Variants in PRKG1 observed in about 807,000 individuals in gnomAD.
The protein encoded by PRKG1 is cGMP-dependent protein kinase 1.
Under a neutral mutation model 88.1 loss-of-function variants are expected in PRKG1, and 35 were observed. That is an observed-to-expected ratio of 0.40 (90% CI 0.30 to 0.53). The LOEUF (loss-of-function observed/expected upper bound fraction) is 0.53, where lower values mean the gene tolerates loss of function less well. Among genes scored for constraint, PRKG1 ranks in the 20% least tolerant of loss-of-function variants. The pLI is 0.59. For synonymous variants in PRKG1, 303 were observed against 292.5 expected, an observed-to-expected ratio of 1.04 and a Z score of -0.37; for missense variants, 540 against 839.8, an observed-to-expected ratio of 0.64 and a Z score of 4.41.
intron 4 of PRKG1, among the ~76,000 whole-genome samples, chr10:51,828,494 A>G (rs1839930677): frequency 6.6e-6 from 1 of 152,152 alleles, no homozygotes; most frequent in African/African-American, 2.4e-5. Flanking sequence ...AAGGGCTTTT[A>G]CATTAGAGAA....
chr10:51,918,206 T>C (rs1842385830), intron 5 of PRKG1, among the ~76,000 whole-genome samples: 1 of 152,202 alleles, frequency 6.6e-6, no homozygotes, highest in African/African-American at 2.4e-5. Context: ...CTGGAATCAG[T>C]ACCTTTCAGT....
rs1180059313 is a variant in PRKG1 at position 51,557,916 on chromosome 10, A to G, written c.592+90080A>G. ...ACACTGCCTCAGAGACTTATCTTCA[A>G]TTTAAAAGTAAAAATCAATAGAAAT... On this transcript the variant is annotated intron_variant, in intron 3 of 17. Coordinates refer to ENST00000373980, the MANE Select transcript of PRKG1 (RefSeq NM_006258.4). 2.0e-5 allele frequency among the ~76,000 whole-genome samples: 3 copies of G among 151,102 alleles called. No individual in the cohort carries two copies. In the East Asian group the frequency reaches 5.8e-4, roughly 29 times the overall value.
intron 3 of PRKG1, among the ~76,000 whole-genome samples, chr10:51,596,406 C>T (rs1440896125): frequency 6.6e-6 from 1 of 152,100 alleles, no homozygotes; most frequent in African/African-American, 2.4e-5. Flanking sequence ...TCCATTGAAA[C>T]CCATTTTCCA....
intron 2 of PRKG1, among the ~76,000 whole-genome samples, chr10:51,346,140 C>G (rs567322106): frequency 3.4e-4 from 52 of 152,188 alleles, no homozygotes; most frequent in Non-Finnish European, 5.6e-4. Context: ...AAATTAAACC[C>G]AACAGAGGGA....
intron 7 of PRKG1, among the ~76,000 whole-genome samples, chr10:52,093,498 C>A (rs1267266270): frequency 2.0e-5 from 3 of 148,402 alleles, no homozygotes; most frequent in Non-Finnish European, 4.5e-5. Flanking sequence ...ACCATGAAAG[C>A]AAGCCTCAAA....
chr10:51,218,655 T>C (rs974164112), intron 2 of PRKG1, among the ~76,000 whole-genome samples: 3 of 151,234 alleles, frequency 2.0e-5, no homozygotes, highest in Non-Finnish European at 2.9e-5. Flanking sequence ...CACCAATGCA[T>C]AGAAATATTA....
intron 5 of PRKG1, among the ~76,000 whole-genome samples, chr10:52,051,229 G>T (rs1845981562): frequency 6.6e-6 from 1 of 152,116 alleles, no homozygotes; most frequent in South Asian, 2.1e-4. Context: ...AGCTCACATA[G>T]GTTAAGAGTT....
chr10:51,875,866 A>G (rs1841285470), intron 4 of PRKG1, among the ~76,000 whole-genome samples: 1 of 151,974 alleles, frequency 6.6e-6, no homozygotes, highest in African/African-American at 2.4e-5. Context: ...ATCCAGTACA[A>G]ATTTTTGGAA....
At chr10:51,317,957 C>G (rs7906598) in intron 2 of PRKG1, among the ~76,000 whole-genome samples, 4 of 152,166 alleles carry the variant, frequency 2.6e-5, no homozygotes, top group African/African-American at 9.7e-5. Context: ...CACAAGCCAG[C>G]CCAAACATCT....
intron 4 of PRKG1, among the ~76,000 whole-genome samples, chr10:51,842,224 A>G (rs16923985): frequency 0.091 from 13,898 of 152,236 alleles, 665 homozygotes; most frequent in African/African-American, 0.1. Flanking sequence ...TCAGCATTGC[A>G]TATCATTATT....
chr10:51,590,530 A>G (rs1010667927), intron 3 of PRKG1, among the ~76,000 whole-genome samples: 1 of 152,218 alleles, frequency 6.6e-6, no homozygotes, highest in Non-Finnish European at 1.5e-5. Flanking sequence ...GAAGAAAATT[A>G]TTCTGTCACC....
intron 3 of PRKG1, among the ~76,000 whole-genome samples, chr10:51,525,268 A>G (rs576688762): frequency 1.5e-4 from 23 of 151,818 alleles, no homozygotes; most frequent in African/African-American, 5.6e-4. Flanking sequence ...GAAGGAAGGA[A>G]AAAAAGGAAG....
intron 3 of PRKG1, among the ~76,000 whole-genome samples, chr10:51,674,065 T>C: frequency 6.6e-6 from 1 of 152,202 alleles, no homozygotes; most frequent in Admixed American, 6.5e-5. Flanking sequence ...GACTTTTGTC[T>C]CTTTCTACTT....
intron 9 of PRKG1, among the ~76,000 whole-genome samples, chr10:52,171,090 A>C (rs1021021539): frequency 2.6e-5 from 4 of 150,960 alleles, no homozygotes; most frequent in Non-Finnish European, 5.9e-5. Context: ...TGTTTTGAAC[A>C]TGCTGACTGA....
intron 3 of PRKG1, among the ~76,000 whole-genome samples, chr10:51,590,614 C>T (rs1048181144): frequency 3.3e-5 from 5 of 152,078 alleles, no homozygotes; most frequent in African/African-American, 1.2e-4. Context: ...AAATGCCACC[C>T]TTTTTTCATG....
At chr10:51,009,727 T>C (rs1842972416) in intron 1 of PRKG1, among the ~76,000 whole-genome samples, 1 of 152,220 alleles carries the variant, frequency 6.6e-6, no homozygotes, top group African/African-American at 2.4e-5. Context: ...AGAAACATTC[T>C]CATACAAGGT....
intron 2 of PRKG1, among the ~76,000 whole-genome samples, chr10:51,432,187 A>C (rs1357402834): frequency 6.6e-6 from 1 of 152,202 alleles, no homozygotes; most frequent in Non-Finnish European, 1.5e-5. Context: ...ATACTTATTG[A>C]AAGAGTTTTT....
At chr10:50,997,523 C>G (rs1414931192) in intron 1 of PRKG1, among the ~76,000 whole-genome samples, 1 of 152,176 alleles carries the variant, frequency 6.6e-6, no homozygotes, top group Non-Finnish European at 1.5e-5. Flanking sequence ...GTAAGAGATG[C>G]TGAGAGTGCG....
At chr10:51,092,840 T>G (rs1002089789) in intron 1 of PRKG1, among the ~76,000 whole-genome samples, 3 of 152,200 alleles carry the variant, frequency 2.0e-5, no homozygotes, top group East Asian at 3.8e-4. Context: ...TTACAGATTT[T>G]TATATTTAAA....
Sources: allele counts gnomAD v4.1 joint callset (sites outside exome capture counted in the v4.1 genomes callset), GRCh38; gene constraint gnomAD v4.1.1; transcripts MANE v1.5; gene names NCBI Gene and HGNC (gene_info 2026-07-23, HGNC 2026-07-21).